Variants in MCM10 observed in about 807,000 individuals in gnomAD.
MCM10 encodes minichromosome maintenance 10 replication initiation factor.
MCM10 carries 91 observed loss-of-function variants against 109.9 expected under a neutral mutation model. That is an observed-to-expected ratio of 0.83 (90% CI 0.70 to 0.99). MCM10 has a LOEUF of 0.99. Among genes scored for constraint, MCM10 ranks in the 50% least tolerant of loss-of-function variants. MCM10 has a pLI of 0.00. For synonymous variants in MCM10, 380 were observed against 387.2 expected, an observed-to-expected ratio of 0.98 and a Z score of 0.22; for missense variants, 1,077 against 1,061.2, an observed-to-expected ratio of 1.01 and a Z score of -0.21.
At chr10:13,194,536 ACT>A (rs77385059) in intron 13 of MCM10, among the ~76,000 whole-genome samples, 17,982 of 152,000 alleles carry the variant, frequency 0.12, 1,310 homozygotes, top group Non-Finnish European at 0.16. Flanking sequence ...ACACAGCGAG[ACT>A]CTGTCTCAAA....
intron 11 of MCM10, 46 bp from the exon 12 acceptor site, chr10:13,192,209 A>G: frequency 1.5e-6 from 2 of 1,315,570 alleles, no homozygotes; most frequent in Non-Finnish European, 2.2e-6. Flanking sequence ...ATGACCTCAA[A>G]CCATCTGAAT....
intron 6 of MCM10, among the ~76,000 whole-genome samples, chr10:13,179,961 ATT>A (rs1834188815): frequency 1.3e-5 from 2 of 152,326 alleles, no homozygotes; most frequent in South Asian, 4.1e-4. Context: ...AGCTTTAAAA[ATT>A]ATCTTAGAGG....
chr10:13,177,527 TTTTTA>T, intron 6 of MCM10, among the ~76,000 whole-genome samples: 1 of 148,524 alleles, frequency 6.7e-6, no homozygotes, highest in African/African-American at 2.5e-5. Context: ...TTTTTTTTTT[TTTTTA>T]ATCTATTAAC....
At chr10:13,192,012 T>A (rs992328292) in intron 11 of MCM10, among the ~76,000 whole-genome samples, 1 of 152,254 alleles carries the variant, frequency 6.6e-6, no homozygotes, top group African/African-American at 2.4e-5. Context: ...GGGTATGGAA[T>A]GACCCCCAGA....
At chr10:13,165,765 C>T (rs1489246505) in intron 2 of MCM10, among the ~76,000 whole-genome samples, 4 of 151,388 alleles carry the variant, frequency 2.6e-5, no homozygotes, top group Non-Finnish European at 5.9e-5. Flanking sequence ...ATCCCAGCTA[C>T]TCAGGAGGCT....
At chr10:13,180,764 G>A (rs1834200306) in intron 7 of MCM10, among the ~76,000 whole-genome samples, 157 bp downstream of exon 7, 1 of 152,198 alleles carries the variant, frequency 6.6e-6, no homozygotes, top group South Asian at 2.1e-4. Flanking sequence ...GTATCCAGCG[G>A]GTATAAGCAA....
At chr10:13,171,285 C>T (rs1316229316) in intron 3 of MCM10, 22 bp downstream of exon 3, 2 of 1,568,148 alleles carry the variant, frequency 1.3e-6, no homozygotes, top group East Asian at 2.3e-5. Context: ...ACTTGCCTTC[C>T]TTATTTCTTT....
In MCM10 at chr10:13,201,525, A is replaced by T; in HGVS notation, c.2343A>T (p.Thr781=). The T allele has an allele frequency of 6.2e-7, 1 of 1,608,650 alleles. No homozygotes were observed. Among genetic ancestry groups the T allele is most frequent in the South Asian group, 1.1e-5 (1 of 90,046 alleles). ...NIREVKCRVV[T]CKTCAYTHFK... Reference sequence around the variant, plus strand: ...GAGAAGTGAAGTGCCGTGTCGTGACATGCAAGACGGTGGGTGAAGGTGGGG... The same window carrying T: ...GAGAAGTGAAGTGCCGTGTCGTGACTTGCAAGACGGTGGGTGAAGGTGGGG... Residue 781 remains threonine, a synonymous_variant, in exon 17 of 20, where the codon ACA becomes ACT. Transcript: ENST00000378714.
At chr10:13,165,128 G>A (rs895339194) in intron 2 of MCM10, among the ~76,000 whole-genome samples, 1 of 152,106 alleles carries the variant, frequency 6.6e-6, no homozygotes, top group Non-Finnish European at 1.5e-5. Context: ...CAAACCCTAG[G>A]CATGCTGTGT....
At chr10:13,177,508 C>CTTTTTTT (rs60316855) in intron 6 of MCM10, among the ~76,000 whole-genome samples, 17 of 105,254 alleles carry the variant, frequency 1.6e-4, no homozygotes, top group African/African-American at 2.4e-4. Context: ...GATTTTGGAG[C>CTTTTTTT]TTTTTTTTTT....
chr10:13,183,220 G>C (rs1048336432), intron 8 of MCM10, 120 bp downstream of exon 8: 1 of 1,114,470 alleles, frequency 9.0e-7, no homozygotes, highest in African/African-American at 1.6e-5. Context: ...CTTTGGGGAG[G>C]CCAAAGCGGG....
At position 13,195,125 on chromosome 10, in the gene MCM10, A is replaced by G. The variant is rs1834398629; in HGVS notation, c.1830A>G (p.Gly610=). Residue 610 remains glycine (G), a synonymous_variant, in exon 14 of 20, where the codon GGA becomes GGG. Transcript: ENST00000378714. ...RQPPAQPPRT[G]SEFPRLEGAP... ...CCCCTGCTCAGCCTCCACGGACAGG[A>G]TCCGAGTTCCCCAGGCTGGAGGGAG... 6.2e-7 allele frequency: 1 copy of G among 1,614,182 alleles called. No individual in the cohort carries two copies. Among genetic ancestry groups the G allele is most frequent in the Non-Finnish European group, 8.5e-7 (1 of 1,180,030 alleles).
At chr10:13,164,025 G>C (rs1833962118) in intron 1 of MCM10, 103 bp from the exon 2 acceptor site, 1 of 442,414 alleles carries the variant, frequency 2.3e-6, no homozygotes, top group African/African-American at 2.0e-5. Context: ...TGAATTCTGA[G>C]GTTAGAGCCC....
In MCM10 at chr10:13,172,279, G is replaced by C; in HGVS notation, c.350-97G>C. 2.5e-6 allele frequency: 2 copies of C among 802,680 alleles called. No homozygotes were observed. Among genetic ancestry groups the C allele is most frequent in the Middle Eastern group, 4.8e-4 (2 of 4,168 alleles). 49.7% of individuals were successfully genotyped at this position (802,680 alleles called of 1,614,324 possible). A position where few individuals can be genotyped will look rare whatever the true frequency, so the allele number is the denominator to read the frequency against. On this transcript the variant is annotated intron_variant, in intron 3 of 19. Coordinates refer to ENST00000378714, the MANE Select transcript of MCM10 (RefSeq NM_018518.5). The surrounding 1 kb of genome is among the most constrained non-coding windows in gnomAD (Gnocchi z 5.2). ...TTATATTGTGGGTCTCAAGGTATTG[G>C]GGCAGGGAGTGGACAACAAAAATAT... is the stretch of plus-strand genomic sequence containing the variant.
At chr10:13,197,917 ATT>A (rs34102127) in intron 15 of MCM10, 150 bp downstream of exon 15, 80,571 of 507,758 alleles carry the variant, frequency 0.16, 165 homozygotes, top group Non-Finnish European at 0.17. Context: ...GGTGGAACTG[ATT>A]TTTTTTTTTT....
At chr10:13,165,813 T>G (rs1299326280) in intron 2 of MCM10, among the ~76,000 whole-genome samples, 1 of 147,210 alleles carries the variant, frequency 6.8e-6, no homozygotes, top group African/African-American at 2.5e-5. Flanking sequence ...AGGCAGAGGT[T>G]GCATTGCATC....
At chr10:13,170,871 G>C in intron 2 of MCM10, 51 bp from the exon 3 acceptor site, 4 of 1,521,868 alleles carry the variant, frequency 2.6e-6, no homozygotes, top group Non-Finnish European at 3.6e-6. Flanking sequence ...AAAGTTGAAT[G>C]TTTGGAATTA....
intron 2 of MCM10, among the ~76,000 whole-genome samples, chr10:13,168,843 A>G (rs532005178): frequency 6.6e-6 from 1 of 152,326 alleles, no homozygotes; most frequent in Admixed American, 6.5e-5. Flanking sequence ...GATGATAGCA[A>G]TTATTTAGGG....
intron 18 of MCM10, among the ~76,000 whole-genome samples, chr10:13,207,688 C>G (rs1834601957): frequency 6.6e-6 from 1 of 152,202 alleles, no homozygotes; most frequent in Non-Finnish European, 1.5e-5. Flanking sequence ...GTTCCCTGCA[C>G]ACACTGTCTT....
Sources: gnomAD v4.1 joint callset for allele counts (sites outside exome capture counted in the v4.1 genomes callset) on GRCh38, gnomAD v4.1.1 for gene constraint, Gnocchi (gnomAD v3.1) non-coding constraint, MANE v1.5 for transcripts, NCBI Gene and HGNC (gene_info 2026-07-23, HGNC 2026-07-21) for gene names.